The following DAB1 variants were observed in gnomAD, a reference collection of about 807,000 sequenced individuals.
DAB1 encodes disabled homolog 1.
Under a neutral mutation model 64.6 loss-of-function variants are expected in DAB1, and 15 were observed. The ratio of observed to expected loss-of-function variants is 0.23; its 90% CI spans 0.16 to 0.36. DAB1 has a LOEUF of 0.36. DAB1 is among the 10% of genes least tolerant of loss of function. The pLI is 1.00. For synonymous variants in DAB1, 235 were observed against 251.9 expected (o/e 0.93, Z 0.64); for missense variants, 596 against 706.7 (o/e 0.84, Z 1.78).
intron 1 of DAB1, among the ~76,000 whole-genome samples, chr1:57,314,217 A>C (rs1431822324): frequency 6.6e-6 from 1 of 152,196 alleles, no homozygotes; most frequent in Admixed American, 6.5e-5. Flanking sequence ...AGATACACAT[A>C]CTTAATACTG....
intron 1 of DAB1, among the ~76,000 whole-genome samples, chr1:57,830,864 T>C (rs1454663887): frequency 6.6e-6 from 1 of 152,194 alleles, no homozygotes; most frequent in African/African-American, 2.4e-5. Flanking sequence ...AAGTCCCAAG[T>C]GGGCTTCTTT....
chr1:57,026,334 A>G (rs1413827409), intron 9 of DAB1, among the ~76,000 whole-genome samples: 1 of 152,180 alleles, frequency 6.6e-6, no homozygotes, highest in African/African-American at 2.4e-5. Flanking sequence ...CTTATTTACC[A>G]TCAAATGCCA....
intron 4 of DAB1, among the ~76,000 whole-genome samples, chr1:58,218,989 T>TTCTC (rs1049058578): frequency 0.01 from 1,310 of 125,884 alleles, 28 homozygotes; most frequent in African/African-American, 0.027. Context: ...ATTCTGGCCA[T>TTCTC]TCTCTCTCTC....
intron 6 of DAB1, among the ~76,000 whole-genome samples, chr1:57,766,647 C>A (rs1365922834): frequency 6.6e-6 from 1 of 152,110 alleles, no homozygotes; most frequent in Non-Finnish European, 1.5e-5. Flanking sequence ...TCACACCAAC[C>A]ATTTCTTTGT....
At chr1:57,607,179 A>G (rs1645667395) in intron 7 of DAB1, among the ~76,000 whole-genome samples, 1 of 152,214 alleles carries the variant, frequency 6.6e-6, no homozygotes, top group Admixed American at 6.5e-5. Flanking sequence ...ATTGAATAAC[A>G]GAAAATATCA....
At chr1:57,248,740 G>A (rs1044335562) in intron 2 of DAB1, among the ~76,000 whole-genome samples, 2 of 152,162 alleles carry the variant, frequency 1.3e-5, no homozygotes, top group Admixed American at 1.3e-4. Flanking sequence ...GGTCTCCTAT[G>A]CCCACAATTG....
chr1:57,629,673 C>G (rs1645963726), intron 7 of DAB1, among the ~76,000 whole-genome samples: 1 of 149,352 alleles, frequency 6.7e-6, no homozygotes, highest in South Asian at 2.2e-4. Context: ...ACTAGAGGCT[C>G]AAATCTTTCA....
At chr1:57,052,543 A>T (rs573787936) in intron 9 of DAB1, among the ~76,000 whole-genome samples, 3 of 152,194 alleles carry the variant, frequency 2.0e-5, no homozygotes, top group African/African-American at 7.2e-5. Flanking sequence ...GCAACACCAT[A>T]ACTCACTTCT....
chr1:58,377,213 C>G (rs895017103), intron 3 of DAB1, among the ~76,000 whole-genome samples: 4 of 150,128 alleles, frequency 2.7e-5, no homozygotes, highest in African/African-American at 9.9e-5. Flanking sequence ...TGAATTTGAT[C>G]CTGTCATTAT....
chr1:57,606,486 CAT>C (rs1304817274), intron 7 of DAB1, among the ~76,000 whole-genome samples: 3 of 71,500 alleles, frequency 4.2e-5, no homozygotes, highest in Admixed American at 1.7e-4. Flanking sequence ...ATATATAATA[CAT>C]ATGAAATATA....
intron 5 of DAB1, among the ~76,000 whole-genome samples, chr1:58,006,313 G>A (rs1451875371): frequency 6.6e-6 from 1 of 152,166 alleles, no homozygotes; most frequent in Non-Finnish European, 1.5e-5. Context: ...TTCCTCATGG[G>A]TAAAAGCAGA....
intron 7 of DAB1, among the ~76,000 whole-genome samples, chr1:57,598,452 T>C (rs1645536865): frequency 6.6e-6 from 1 of 152,246 alleles, no homozygotes; most frequent in Non-Finnish European, 1.5e-5. Flanking sequence ...GTCTTGTGGG[T>C]GTATTTAAAC....
chr1:58,355,276 C>A (rs1644099252), intron 3 of DAB1, among the ~76,000 whole-genome samples: 2 of 152,294 alleles, frequency 1.3e-5, no homozygotes, highest in East Asian at 1.9e-4. Flanking sequence ...TAAAGTGGCA[C>A]AGCTTTGTTT....
intron 7 of DAB1, among the ~76,000 whole-genome samples, chr1:57,445,968 CCTT>C (rs1014307440): frequency 4.3e-4 from 65 of 152,234 alleles, no homozygotes; most frequent in Admixed American, 3.3e-3. Context: ...ATCAGTCTTT[CCTT>C]CTTCTTTCTC....
chr1:57,306,074 A>C (rs1352722767), intron 1 of DAB1, among the ~76,000 whole-genome samples: 16 of 152,000 alleles, frequency 1.1e-4, no homozygotes, highest in Non-Finnish European at 7.4e-5. Context: ...CCATGCTGTT[A>C]CTTCTTTACA....
chr1:58,296,195 G>GAGAAAAGAA (rs1661979222), intron 4 of DAB1, among the ~76,000 whole-genome samples: 1 of 93,508 alleles, frequency 1.1e-5, no homozygotes, highest in South Asian at 4.6e-4. Context: ...GAGAAAGAAA[G>GAGAAAAGAA]AGAAAGAAAG....
intron 1 of DAB1, among the ~76,000 whole-genome samples, chr1:57,316,382 A>C (rs1486297045): frequency 1.3e-5 from 2 of 152,206 alleles, no homozygotes; most frequent in Non-Finnish European, 2.9e-5. Flanking sequence ...TCATCTCTAC[A>C]CTTGACAGTC....
At chr1:57,947,384 G>A (rs568026836) in intron 5 of DAB1, among the ~76,000 whole-genome samples, 4 of 152,242 alleles carry the variant, frequency 2.6e-5, no homozygotes, top group Admixed American at 2.0e-4. Flanking sequence ...ACTTCAGTCC[G>A]TGTACTTCAG....
intron 4 of DAB1, among the ~76,000 whole-genome samples, chr1:58,290,432 A>G (rs906435662): frequency 6.6e-6 from 1 of 152,176 alleles, no homozygotes; most frequent in Admixed American, 6.5e-5. Flanking sequence ...AAATTTTTTC[A>G]TATTATTAAA....
Sources: allele counts gnomAD v4.1 joint callset (sites outside exome capture counted in the v4.1 genomes callset), GRCh38; gene constraint gnomAD v4.1.1; transcripts MANE v1.5; gene names NCBI Gene and HGNC (gene_info 2026-07-23, HGNC 2026-07-21).